FAM124A: variants seen among roughly 807,000 people sequenced by gnomAD.
FAM124A encodes the protein protein FAM124A.
In FAM124A, 23 loss-of-function variants were observed where a neutral mutation model predicts 24.5. That is an observed-to-expected ratio of 0.94 (90% confidence interval 0.68 to 1.33). The LOEUF (loss-of-function observed/expected upper bound fraction) is 1.33, where lower values mean the gene tolerates loss of function less well. Ranked by LOEUF, FAM124A falls within the 40% of genes most tolerant of loss-of-function variation. The pLI, the probability that FAM124A is intolerant of heterozygous loss-of-function variation, is 0.00. For synonymous variants in FAM124A, 287 were observed against 314.7 expected (o/e 0.91, Z 0.93); for missense variants, 623 against 722.8 (o/e 0.86, Z 1.58).
At position 51,252,165 on chromosome 13, in the gene FAM124A, G is replaced by C. The variant is rs769483830; in HGVS notation, c.798G>C (p.Gln266His). ...GCCCCATCAGCGAGGGGCGCTGGCA[G>C]ACGGAGGACCATGATGGGAACAAGA... ...PCSPISEGRW[Q>H]TEDHDGNKIL... The change falls in exon 3 of 4, where the codon CAG becomes CAC. Residue 266 changes from glutamine to histidine, a missense_variant. Coordinates refer to ENST00000322475, the MANE Select transcript of FAM124A (RefSeq NM_001242312.2). The C allele has an allele frequency of 6.2e-7, 1 of 1,613,738 alleles. No individual in the cohort carries two copies. Among genetic ancestry groups the C allele is most frequent in the South Asian group, 1.1e-5 (1 of 91,078 alleles).
chr13:51,254,998 G>A (rs549384404), intron 3 of FAM124A, among the ~76,000 whole-genome samples: 4 of 151,968 alleles, frequency 2.6e-5, no homozygotes, highest in East Asian at 1.9e-4. Context: ...TTCCTCCCCC[G>A]CCCTGGGACT....
chr13:51,238,857 A>AGG (rs1954462520), intron 2 of FAM124A, among the ~76,000 whole-genome samples: 1 of 152,280 alleles, frequency 6.6e-6, no homozygotes, highest in East Asian at 1.9e-4. Flanking sequence ...GATATGCATC[A>AGG]GGAAATCACA....
intron 3 of FAM124A, among the ~76,000 whole-genome samples, chr13:51,273,773 G>A (rs1954861184): frequency 6.6e-6 from 1 of 152,192 alleles, no homozygotes; most frequent in South Asian, 2.1e-4. Context: ...CTAAGTTATT[G>A]TTAATTGTTT....
At chr13:51,242,403 G>A (rs1259309661) in intron 2 of FAM124A, among the ~76,000 whole-genome samples, 1 of 152,178 alleles carries the variant, frequency 6.6e-6, no homozygotes, top group Non-Finnish European at 1.5e-5. Flanking sequence ...CTGGGTGTCA[G>A]GCCTGCATTA....
chr13:51,252,236 A>G, intron 3 of FAM124A, 35 bp downstream of exon 3: 1 of 1,594,148 alleles, frequency 6.3e-7, no homozygotes, highest in Non-Finnish European at 8.5e-7. Flanking sequence ...TGTTTAGGGG[A>G]CCTGAGAAAC....
intron 3 of FAM124A, among the ~76,000 whole-genome samples, chr13:51,263,575 C>T (rs888982729): frequency 6.6e-6 from 1 of 152,212 alleles, no homozygotes; most frequent in Non-Finnish European, 1.5e-5. Context: ...GGTGCAAAAC[C>T]TGGCTGAAAC....
At position 51,282,197 on chromosome 13, in the gene FAM124A, G is replaced by A. The variant is rs77620973; in HGVS notation, c.*941G>A. 3.8e-4 allele frequency: 58 copies of A among 152,352 alleles called. No individual in the cohort carries two copies. In the East Asian group the frequency reaches 0.011, roughly 29 times the overall value. 9.4% of individuals were successfully genotyped at this position (152,352 alleles called of 1,614,324 possible). A position where few individuals can be genotyped will look rare whatever the true frequency, so the allele number is the denominator to read the frequency against. On this transcript the variant is annotated 3_prime_UTR_variant, in exon 4 of 4. Coordinates refer to ENST00000322475, the MANE Select transcript of FAM124A (RefSeq NM_001242312.2). ...GCCGCACTGTATACTGCTTTCTGCA[G>A]TGACCATGCTGGGTCACGCATCCTA...
chr13:51,245,953 A>T (rs373795961), intron 2 of FAM124A, among the ~76,000 whole-genome samples: 2 of 152,254 alleles, frequency 1.3e-5, no homozygotes, highest in Admixed American at 6.5e-5. Flanking sequence ...CCAGGCTAAT[A>T]GTACACTTTC....
intron 3 of FAM124A, among the ~76,000 whole-genome samples, chr13:51,259,611 C>A (rs1038503269): frequency 2.4e-4 from 36 of 152,236 alleles, no homozygotes; most frequent in African/African-American, 8.4e-4. Context: ...GAAGAATGGT[C>A]GGTCTTCCCG....
rs1363170805 is a variant in FAM124A, at chr13:51,281,596, A to T, written c.*340A>T. Reference sequence around the variant, plus strand: ...AAGAAAACCTAGTCAGCCAGAACCAATTTGGCAATTTTTCCATGGTATGAA... The same window carrying T: ...AAGAAAACCTAGTCAGCCAGAACCATTTTGGCAATTTTTCCATGGTATGAA... On this transcript the variant is annotated 3_prime_UTR_variant, in exon 4 of 4. Coordinates refer to ENST00000322475, the MANE Select transcript of FAM124A (RefSeq NM_001242312.2). 1 of 188,348 alleles carries T rather than the reference A, an allele frequency of 5.3e-6. No homozygotes were observed. The highest frequency in any genetic ancestry group is 1.1e-5 in the Non-Finnish European group (1 of 93,038). The allele number at this position is 188,348 out of a possible 1,614,324, so 11.7% of individuals were successfully genotyped here.
rs750386210 is a variant in FAM124A, at chr13:51,280,841, C to T, written c.1226C>T (p.Ala409Val). 6.2e-7 allele frequency: 1 copy of T among 1,614,088 alleles called. No individual in the cohort carries two copies. The highest frequency in any genetic ancestry group is 8.5e-7 in the Non-Finnish European group (1 of 1,180,016). The change falls in exon 4 of 4, where the codon GCC (alanine) becomes GTC (valine). Residue 409 changes from alanine to valine, a missense_variant. Transcript: ENST00000322475. ...HLLSIDDLEG[A>V]QETDVDTGLR... ...CTCTCCATCGATGACCTAGAGGGGG[C>T]CCAGGAGACAGACGTGGACACAGGC...
At chr13:51,252,446 T>C in intron 3 of FAM124A, 1 of 576,120 alleles carries the variant, frequency 1.7e-6, no homozygotes, top group Non-Finnish European at 3.0e-6. Context: ...TTCTTCCAGC[T>C]GCCCCTTCTG....
At chr13:51,246,703 C>G (rs572361155) in intron 2 of FAM124A, among the ~76,000 whole-genome samples, 1 of 152,178 alleles carries the variant, frequency 6.6e-6, no homozygotes, top group Non-Finnish European at 1.5e-5. Flanking sequence ...TTCAGCTCAC[C>G]CCCCTGCTCT....
chr13:51,262,390 TA>T, intron 3 of FAM124A, among the ~76,000 whole-genome samples: 2 of 152,336 alleles, frequency 1.3e-5, no homozygotes, highest in Middle Eastern at 3.4e-3. Context: ...AGTTGCACAA[TA>T]TTTTTAAAAA....
At chr13:51,265,542 G>T (rs1037072329) in intron 3 of FAM124A, among the ~76,000 whole-genome samples, 1 of 152,124 alleles carries the variant, frequency 6.6e-6, no homozygotes, top group East Asian at 1.9e-4. Context: ...TGGTTCTCGC[G>T]TGCCTAAATC....
chr13:51,267,297 T>C (rs767323737), intron 3 of FAM124A, among the ~76,000 whole-genome samples: 1 of 152,236 alleles, frequency 6.6e-6, no homozygotes, highest in African/African-American at 2.4e-5. Flanking sequence ...ATATATTCCC[T>C]TGTGTTTACA....
chr13:51,252,128 C>T lies in FAM124A; in HGVS notation c.761C>T (p.Pro254Leu). ...ATAGGCGAGCTCGTGCCTCTCCTGC[C>T]CAACCCTTGCAGCCCCATCAGCGAG... is the stretch of plus-strand genomic sequence containing the variant. ...RDIGELVPLLPNPCSPISEGR... is the reference protein window; with the variant it reads ...RDIGELVPLLLNPCSPISEGR... Residue 254 changes from proline to leucine, a missense_variant, in exon 3 of 4, where the codon CCC becomes CTC. Coordinates refer to ENST00000322475, the MANE Select transcript of FAM124A (RefSeq NM_001242312.2). The T allele has an allele frequency of 1.9e-6, 3 of 1,613,982 alleles. No individual in the cohort carries two copies. The highest frequency in any genetic ancestry group is 2.5e-6 in the Non-Finnish European group (3 of 1,180,026).
chr13:51,243,792 T>G (rs991119645), intron 2 of FAM124A, among the ~76,000 whole-genome samples: 22 of 152,202 alleles, frequency 1.4e-4, no homozygotes, highest in Middle Eastern at 6.8e-3. Context: ...TGCCTCGATC[T>G]CCGAAAATGC....
intron 3 of FAM124A, among the ~76,000 whole-genome samples, chr13:51,259,640 CCT>C (rs888052219): frequency 2.6e-5 from 4 of 152,104 alleles, no homozygotes; most frequent in African/African-American, 4.8e-5. Flanking sequence ...CGCAGTTGTC[CCT>C]CTCTCATTCT....
Sources: gnomAD v4.1 joint callset for allele counts (sites outside exome capture counted in the v4.1 genomes callset) on GRCh38, gnomAD v4.1.1 for gene constraint, MANE v1.5 for transcripts, NCBI Gene and HGNC (gene_info 2026-07-23, HGNC 2026-07-21) for gene names.